PSPC1: variants seen among roughly 807,000 people sequenced by gnomAD.
The protein encoded by PSPC1 is paraspeckle protein 1.
PSPC1 carries 14 observed loss-of-function variants against 51.6 expected under a neutral mutation model. That is an observed-to-expected ratio of 0.27 (90% CI 0.18 to 0.42). The LOEUF (loss-of-function observed/expected upper bound fraction) is 0.42, where lower values mean the gene tolerates loss of function less well. Among genes scored for constraint, PSPC1 ranks in the 10% least tolerant of loss-of-function variants. PSPC1 has a pLI of 1.00. For synonymous variants in PSPC1, 193 were observed against 231.9 expected, an observed-to-expected ratio of 0.83 and a Z score of 1.53; for missense variants, 406 against 701.1, an observed-to-expected ratio of 0.58 and a Z score of 4.75.
chr13:19,676,140 C>T (rs1386365105), intron 7 of PSPC1, among the ~76,000 whole-genome samples: 4 of 152,202 alleles, frequency 2.6e-5, no homozygotes, highest in African/African-American at 4.8e-5. Context: ...ATGCCACAGA[C>T]AGCTTATGTA....
intron 1 of PSPC1, among the ~76,000 whole-genome samples, chr13:19,777,027 GGAGT>G (rs1356226827): frequency 6.7e-6 from 1 of 149,382 alleles, no homozygotes; most frequent in African/African-American, 2.5e-5. Flanking sequence ...AGGAGGCTGA[GGAGT>G]GAGAATCGCT....
At chr13:19,705,957 C>T (rs188220745) in intron 7 of PSPC1, 126 bp from the exon 8 acceptor site, 21 of 716,126 alleles carry the variant, frequency 2.9e-5, no homozygotes, top group Non-Finnish European at 3.6e-5. Flanking sequence ...CTTAAGAATG[C>T]GATATGCGTT....
In PSPC1 at chr13:19,782,353, T is replaced by A; in HGVS notation, c.372+33A>T. 1 of 1,551,288 alleles carries A rather than the reference T, an allele frequency of 6.4e-7. No individual in the cohort carries two copies. ...GACCCCGCGGCCACCCCGACAGTCC[T>A]TTTGTTCCCTCGCGCGGGCGCCTGA... is the stretch of plus-strand genomic sequence containing the variant. On this transcript the variant is annotated intron_variant, in intron 1 of 8. Transcript: ENST00000338910. The surrounding 1 kb of genome is among the most constrained non-coding windows in gnomAD (Gnocchi z 4.5).
At chr13:19,738,187 T>C (rs1941577220) in intron 5 of PSPC1, among the ~76,000 whole-genome samples, 2 of 152,188 alleles carry the variant, frequency 1.3e-5, no homozygotes, top group South Asian at 4.1e-4. Flanking sequence ...TATTTGTCAA[T>C]ATTAAACACC....
At chr13:19,730,961 A>AAAAAAAAAAAAAAC (rs1441202332) in intron 5 of PSPC1, among the ~76,000 whole-genome samples, 1 of 23,510 alleles carries the variant, frequency 4.3e-5, no homozygotes, top group Non-Finnish European at 1.5e-4. Flanking sequence ...AAAAAACAAA[A>AAAAAAAAAAAAAAC]AAACAAAAAA....
chr13:19,768,974 C>CAAAA (rs35394300), intron 2 of PSPC1, among the ~76,000 whole-genome samples: 1 of 123,978 alleles, frequency 8.1e-6, no homozygotes, highest in East Asian at 2.3e-4. Context: ...ATCTCTACTG[C>CAAAA]AAAAAAAAAA....
intron 6 of PSPC1, among the ~76,000 whole-genome samples, chr13:19,729,536 CA>C (rs551133605): frequency 0.028 from 2,636 of 95,202 alleles, 65 homozygotes; most frequent in African/African-American, 0.081. Context: ...GATTCCGTCT[CA>C]AAAAAAAAAA....
intron 7 of PSPC1, among the ~76,000 whole-genome samples, chr13:19,707,797 G>A (rs2137758459): frequency 6.6e-6 from 1 of 152,148 alleles, no homozygotes; most frequent in South Asian, 2.1e-4. Context: ...GTTTAGCTCT[G>A]ATGTTAATGT....
intron 6 of PSPC1, among the ~76,000 whole-genome samples, chr13:19,685,525 T>G (rs1877769178): frequency 6.6e-6 from 1 of 152,194 alleles, no homozygotes; most frequent in African/African-American, 2.4e-5. Context: ...AAGGTCTCCC[T>G]TAACATCTCA....
chr13:19,696,762 C>T (rs1305383954), intron 6 of PSPC1, among the ~76,000 whole-genome samples: 1 of 152,138 alleles, frequency 6.6e-6, no homozygotes, highest in East Asian at 1.9e-4. Context: ...AGAAGCATGT[C>T]CAAACATACC....
At chr13:19,700,069 C>A (rs1456342738), downstream of PSPC1, among the ~76,000 whole-genome samples, 2 of 151,990 alleles carry the variant, frequency 1.3e-5, no homozygotes, top group Non-Finnish European at 2.9e-5. Flanking sequence ...CATCCTTTCA[C>A]AAAACTTACT....
chr13:19,775,086 C>T (rs1888977581), intron 1 of PSPC1, among the ~76,000 whole-genome samples: 1 of 151,970 alleles, frequency 6.6e-6, no homozygotes, highest in African/African-American at 2.4e-5. Context: ...TGCCTGTAAT[C>T]CCAGCACTTT....
Position 19,739,704 on chromosome 13 carries a change from T to C in PSPC1, c.1052+1861A>G, listed in dbSNP as rs943151821. Among the ~76,000 whole-genome samples the C allele has an allele frequency of 2.6e-5, 4 of 151,860 alleles. 1 individual carries two copies. The highest frequency in any genetic ancestry group is 2.9e-5 in the Non-Finnish European group (2 of 67,990). On this transcript the variant is annotated intron_variant, in intron 5 of 8. Transcript: ENST00000338910. ...GTTACAGTGAGCCAAGATCGCACCATTGCATTCAAGCCTGGGCAGCAAGAG... is the reference window on the plus strand; with the variant it reads ...GTTACAGTGAGCCAAGATCGCACCACTGCATTCAAGCCTGGGCAGCAAGAG...
At chr13:19,685,575 T>A (rs1473420809) in intron 6 of PSPC1, among the ~76,000 whole-genome samples, 1 of 152,150 alleles carries the variant, frequency 6.6e-6, no homozygotes, top group Non-Finnish European at 1.5e-5. Flanking sequence ...AATAATTCAG[T>A]CTGACAGAAA....
At chr13:19,722,719 G>A (rs1882918572) in intron 6 of PSPC1, among the ~76,000 whole-genome samples, 1 of 152,004 alleles carries the variant, frequency 6.6e-6, no homozygotes, top group Admixed American at 6.6e-5. Context: ...ACTTGAACCT[G>A]GGAGGCGGAG....
At chr13:19,721,936 A>C (rs1882821545) in intron 6 of PSPC1, among the ~76,000 whole-genome samples, 1 of 152,258 alleles carries the variant, frequency 6.6e-6, no homozygotes, top group African/African-American at 2.4e-5. Context: ...CCAAAGTGCC[A>C]AATGTGTAAT....
chr13:19,776,230 G>A (rs772837026), intron 1 of PSPC1, among the ~76,000 whole-genome samples: 1 of 152,102 alleles, frequency 6.6e-6, no homozygotes. Flanking sequence ...GGAAGCTGAG[G>A]AGGAGGGATC....
At chr13:19,717,120 C>G (rs1882193515) in intron 6 of PSPC1, among the ~76,000 whole-genome samples, 1 of 151,932 alleles carries the variant, frequency 6.6e-6, no homozygotes, top group African/African-American at 2.4e-5. Flanking sequence ...ATTGTAGACA[C>G]AAAGAATGAA....
chr13:19,723,793 A>T (rs1012870759), intron 6 of PSPC1, among the ~76,000 whole-genome samples: 1 of 152,250 alleles, frequency 6.6e-6, no homozygotes, highest in Non-Finnish European at 1.5e-5. Context: ...AAATATTGAG[A>T]AAAATCCTTG....
Sources: allele counts gnomAD v4.1 joint callset (sites outside exome capture counted in the v4.1 genomes callset), GRCh38; gene constraint gnomAD v4.1.1; non-coding constraint Gnocchi (gnomAD v3.1); transcripts MANE v1.5; gene names NCBI Gene and HGNC (gene_info 2026-07-23, HGNC 2026-07-21).